CNTLN: variants seen among roughly 807,000 people sequenced by gnomAD.
The protein encoded by CNTLN is centlein, centrosomal protein.
In CNTLN, 212 loss-of-function variants were observed where a neutral mutation model predicts 180.0. That is an observed-to-expected ratio of 1.18 (90% CI 1.05 to 1.32). The LOEUF is 1.32. Among genes scored for constraint, CNTLN ranks in the 40% most tolerant of loss-of-function variants. The pLI is 0.00. For missense variants in CNTLN, 2,095 were observed against 1,610.9 expected (o/e 1.30, Z -5.14); for synonymous variants, 722 against 563.1 (o/e 1.28, Z -3.99).
intron 13 of CNTLN, among the ~76,000 whole-genome samples, chr9:17,370,427 C>A (rs990256748): frequency 6.7e-6 from 1 of 148,652 alleles, no homozygotes; most frequent in Non-Finnish European, 1.5e-5. Flanking sequence ...AAGGAAAAAA[C>A]AACAACAGAC....
At chr9:17,512,229 G>A in the CNTLN span, among the ~76,000 whole-genome samples, 1 of 152,196 alleles carries the variant, frequency 6.6e-6, no homozygotes, top group African/African-American at 2.4e-5. Flanking sequence ...AAGCATTAGA[G>A]ATTCAAAGCC....
At chr9:17,274,463 A>ATCTG (rs10635889) in intron 6 of CNTLN, among the ~76,000 whole-genome samples, 4,548 of 140,894 alleles carry the variant, frequency 0.032, 92 homozygotes, top group African/African-American at 0.061. Context: ...ATATCTATCT[A>ATCTG]TCTATCTATC....
rs73426105 is a variant in CNTLN, at chr9:17,363,699, G to T, written c.1887-2918G>T. 8.9e-3 allele frequency among the ~76,000 whole-genome samples: 1,350 copies of T among 151,996 alleles called. 24 individuals carry two copies. The highest frequency in any genetic ancestry group is 0.031 in the African/African-American group (1,269 of 41,504). ...ATCTTTGATGATCCAATATCGTTTT[G>T]TTGTTGAGAATGTTAGTTCTACCTT... On this transcript the variant is annotated intron_variant, in intron 12 of 25. Transcript: ENST00000380647.
At chr9:17,494,191 T>G (rs1833319996) in intron 25 of CNTLN, among the ~76,000 whole-genome samples, 1 of 152,176 alleles carries the variant, frequency 6.6e-6, no homozygotes, top group Non-Finnish European at 1.5e-5. Flanking sequence ...TATTTTTAAT[T>G]TATTTTAAAA....
intron 2 of CNTLN, among the ~76,000 whole-genome samples, chr9:17,207,220 C>T (rs141173231): frequency 9.9e-5 from 15 of 152,254 alleles, no homozygotes; most frequent in East Asian, 1.9e-4. Flanking sequence ...TATATTAATT[C>T]GCTTTTTATA....
At chr9:17,307,602 A>T (rs1026907216) in intron 7 of CNTLN, among the ~76,000 whole-genome samples, 6 of 152,216 alleles carry the variant, frequency 3.9e-5, no homozygotes, top group African/African-American at 1.2e-4. Context: ...AAAAGATAAA[A>T]GGTATATTGA....
chr9:17,385,276 C>T (rs1361331040), intron 13 of CNTLN, among the ~76,000 whole-genome samples: 2 of 152,134 alleles, frequency 1.3e-5, no homozygotes, highest in Non-Finnish European at 2.9e-5. Context: ...ATGGAGCTTC[C>T]ATTAAGTAGC....
At chr9:17,520,705 A>G in the CNTLN span, among the ~76,000 whole-genome samples, 2 of 152,214 alleles carry the variant, frequency 1.3e-5, no homozygotes, top group Non-Finnish European at 2.9e-5. Context: ...TTATGAATTC[A>G]GTTCAGTAAG....
At chr9:17,260,655 A>G (rs554035980) in intron 5 of CNTLN, among the ~76,000 whole-genome samples, 2 of 151,250 alleles carry the variant, frequency 1.3e-5, no homozygotes, top group South Asian at 2.1e-4. Context: ...TTCTCTTGCT[A>G]TGCAGAAGCT....
chr9:17,317,001 T>G (rs908879672), intron 8 of CNTLN, among the ~76,000 whole-genome samples: 3 of 152,190 alleles, frequency 2.0e-5, no homozygotes, highest in Admixed American at 6.5e-5. Context: ...TTATAATTTT[T>G]TAAATGCAAT....
At chr9:17,222,553 T>G (rs1447820516) in intron 2 of CNTLN, among the ~76,000 whole-genome samples, 1 of 152,050 alleles carries the variant, frequency 6.6e-6, no homozygotes, top group Non-Finnish European at 1.5e-5. Flanking sequence ...CATTTTCTCT[T>G]GCCGCTGCCA....
At chr9:17,250,520 T>C (rs1363561814) in intron 5 of CNTLN, among the ~76,000 whole-genome samples, 1 of 151,996 alleles carries the variant, frequency 6.6e-6, no homozygotes, top group African/African-American at 2.4e-5. Flanking sequence ...TGATAATTTC[T>C]TTGTGCTTAC....
At chr9:17,433,165 T>G (rs1564102183) in intron 18 of CNTLN, among the ~76,000 whole-genome samples, 3 of 151,836 alleles carry the variant, frequency 2.0e-5, no homozygotes, top group Admixed American at 6.6e-5. Context: ...AATTGAAGAG[T>G]AAAAAAAGTG....
rs780662493 is a variant in CNTLN at position 17,409,420 on chromosome 9, C to G, written c.2743C>G (p.Gln915Glu). 3 of 1,612,770 alleles carry G rather than the reference C, an allele frequency of 1.9e-6. No homozygotes were observed. The highest frequency in any genetic ancestry group is 2.2e-5 in the South Asian group (2 of 90,982). ...ESDPTEDSQT[Q>E]GKEIVQTYLN... ...TGATCCAACAGAAGACAGCCAAACA[C>G]AAGGAAAAGAAATAGTACAGACATA... The change falls in exon 16 of 26, where the codon CAA (glutamine) becomes GAA (glutamate). Residue 915 changes from glutamine (Q) to glutamate (E), a missense_variant. Physicochemically the swap from Gln to Glu is conservative, Grantham distance 29. Coordinates refer to ENST00000380647, the MANE Select transcript of CNTLN (RefSeq NM_017738.4).
intron 23 of CNTLN, among the ~76,000 whole-genome samples, chr9:17,482,756 G>T (rs1026880504): frequency 6.6e-6 from 1 of 152,120 alleles, no homozygotes; most frequent in Non-Finnish European, 1.5e-5. Flanking sequence ...CTAATAAAAA[G>T]AGATGGAACA....
intron 2 of CNTLN, among the ~76,000 whole-genome samples, chr9:17,147,524 T>C (rs116566237): frequency 0.02 from 3,042 of 152,230 alleles, 66 homozygotes; most frequent in African/African-American, 0.054. Flanking sequence ...TCTATTTAGG[T>C]TTTGGATTAT....
At chr9:17,345,490 C>T (rs545818203) in intron 12 of CNTLN, among the ~76,000 whole-genome samples, 4 of 149,430 alleles carry the variant, frequency 2.7e-5, no homozygotes, top group Middle Eastern at 3.5e-3. Flanking sequence ...TTTAGAATTT[C>T]ATTTTATTTT....
chr9:17,524,807 A>G, the CNTLN span, among the ~76,000 whole-genome samples: 1 of 152,212 alleles, frequency 6.6e-6, no homozygotes, highest in Non-Finnish European at 1.5e-5. Context: ...CTTGGCTTGT[A>G]TAATACATGT....
intron 8 of CNTLN, among the ~76,000 whole-genome samples, chr9:17,321,036 C>G (rs1484574543): frequency 6.6e-6 from 1 of 152,140 alleles, no homozygotes; most frequent in African/African-American, 2.4e-5. Context: ...TTTTTCAAAA[C>G]AAATTTATTC....
Sources: allele counts gnomAD v4.1 joint callset (sites outside exome capture counted in the v4.1 genomes callset), GRCh38; gene constraint gnomAD v4.1.1; transcripts MANE v1.5; gene names NCBI Gene and HGNC (gene_info 2026-07-23, HGNC 2026-07-21).